The following KCNB2 variants were observed in gnomAD, a reference collection of about 807,000 sequenced individuals.
KCNB2 encodes delayed rectifier potassium channel protein.
KCNB2 carries 15 observed loss-of-function variants against 61.5 expected under a neutral mutation model. That is an observed-to-expected ratio of 0.24 (90% CI 0.16 to 0.38). KCNB2 has a LOEUF of 0.38. Among genes scored for constraint, KCNB2 ranks in the 10% least tolerant of loss-of-function variants. KCNB2 has a pLI of 1.00. For synonymous variants in KCNB2, 457 were observed against 446.0 expected (o/e 1.02, Z -0.31); for missense variants, 828 against 1,125.2 (o/e 0.74, Z 3.78).
At chr8:72,619,064 C>G (rs892768233) in intron 2 of KCNB2, 6 of 287,072 alleles carry the variant, frequency 2.1e-5, no homozygotes, top group Non-Finnish European at 2.7e-5. Context: ...ACAAATGAAA[C>G]TCTACTTTCT....
At chr8:72,933,218 T>C (rs969489232) in intron 2 of KCNB2, among the ~76,000 whole-genome samples, 2 of 152,240 alleles carry the variant, frequency 1.3e-5, no homozygotes, top group Non-Finnish European at 2.9e-5. Flanking sequence ...TAAGCTGTGG[T>C]CAACTAGACA....
At chr8:72,686,355 T>A (rs530966254) in intron 2 of KCNB2, among the ~76,000 whole-genome samples, 1 of 152,100 alleles carries the variant, frequency 6.6e-6, no homozygotes, top group Admixed American at 6.5e-5. Flanking sequence ...CTTTTTTGGA[T>A]ATTTTTTTTT....
chr8:72,863,204 A>G (rs750646811), intron 2 of KCNB2, among the ~76,000 whole-genome samples: 4 of 152,220 alleles, frequency 2.6e-5, no homozygotes, highest in Non-Finnish European at 4.4e-5. Flanking sequence ...ATTTGTTTCT[A>G]TGTAAACAGC....
At chr8:72,905,951 C>A (rs1806170129) in intron 2 of KCNB2, among the ~76,000 whole-genome samples, 1 of 152,070 alleles carries the variant, frequency 6.6e-6, no homozygotes, top group Non-Finnish European at 1.5e-5. Flanking sequence ...ATAGCAGGGA[C>A]AATTTCAAGC....
At chr8:72,539,062 T>C (rs1251874842) in intron 1 of KCNB2, among the ~76,000 whole-genome samples, 1 of 134,392 alleles carries the variant, frequency 7.4e-6, no homozygotes, top group Non-Finnish European at 1.7e-5. Context: ...TCTATTTCAC[T>C]CTTTAGGGGC....
intron 1 of KCNB2, among the ~76,000 whole-genome samples, chr8:72,539,066 T>C (rs1451497276): frequency 1.6e-5 from 2 of 123,448 alleles, no homozygotes; most frequent in Non-Finnish European, 3.9e-5. Context: ...TTTCACTCTT[T>C]AGGGGCATGT....
chr8:72,927,913 CCCTTTTCTGTGTAGAAACCTCCATGAAT>C (rs1806687185), intron 2 of KCNB2, among the ~76,000 whole-genome samples: 1 of 152,120 alleles, frequency 6.6e-6, no homozygotes, highest in African/African-American at 2.4e-5. Context: ...TGCCCTTTAT[CCCTTTTCTGTGTAGAAACCTCCATGAAT>C]CCTTTAAGGC....
chr8:72,863,982 T>C (rs1438292353), intron 2 of KCNB2, among the ~76,000 whole-genome samples: 1 of 152,162 alleles, frequency 6.6e-6, no homozygotes, highest in Non-Finnish European at 1.5e-5. Context: ...TCAGCCTGAG[T>C]GACAGAGAAA....
intron 2 of KCNB2, among the ~76,000 whole-genome samples, chr8:72,711,983 C>T (rs976323343): frequency 6.6e-6 from 1 of 152,222 alleles, no homozygotes; most frequent in South Asian, 2.1e-4. Context: ...CATAGCAAGA[C>T]TCCATCTCAA....
intron 2 of KCNB2, among the ~76,000 whole-genome samples, chr8:72,758,722 G>A (rs1808332548): frequency 6.6e-6 from 1 of 152,178 alleles, no homozygotes; most frequent in African/African-American, 2.4e-5. Flanking sequence ...TGAAGTTCTA[G>A]CGGTACTTTT....
chr8:72,598,095 T>C (rs182028903), intron 2 of KCNB2, among the ~76,000 whole-genome samples: 165 of 152,240 alleles, frequency 1.1e-3, no homozygotes, highest in African/African-American at 3.7e-3. Context: ...CCACCAATGG[T>C]AGACTGGATA....
intron 2 of KCNB2, among the ~76,000 whole-genome samples, chr8:72,773,269 T>C (rs1197388823): frequency 6.6e-6 from 1 of 152,212 alleles, no homozygotes; most frequent in Non-Finnish European, 1.5e-5. Flanking sequence ...CCAGCCTGCT[T>C]TGTATTGCCC....
At chr8:72,683,919 A>G (rs954266770) in intron 2 of KCNB2, among the ~76,000 whole-genome samples, 7 of 152,264 alleles carry the variant, frequency 4.6e-5, no homozygotes, top group African/African-American at 1.7e-4. Flanking sequence ...GAAGGCCTTT[A>G]TATGGCATAT....
chr8:72,928,279 A>G (rs570431505), intron 2 of KCNB2, among the ~76,000 whole-genome samples: 2 of 148,038 alleles, frequency 1.4e-5, no homozygotes, highest in African/African-American at 5.0e-5. Context: ...TGCAATCTCC[A>G]TCTCCTGGGT....
At chr8:72,620,350 A>C (rs944194677) in intron 2 of KCNB2, among the ~76,000 whole-genome samples, 6 of 152,234 alleles carry the variant, frequency 3.9e-5, no homozygotes, top group African/African-American at 1.2e-4. Context: ...GTTTTATAGC[A>C]CATGCTGATT....
At chr8:72,627,627 G>T (rs1805810342) in intron 2 of KCNB2, among the ~76,000 whole-genome samples, 1 of 152,202 alleles carries the variant, frequency 6.6e-6, no homozygotes, top group South Asian at 2.1e-4. Context: ...ACAGAGCTGT[G>T]TAGGAATGTG....
intron 2 of KCNB2, among the ~76,000 whole-genome samples, chr8:72,744,162 G>A (rs982299295): frequency 2.0e-5 from 3 of 152,256 alleles, no homozygotes; most frequent in African/African-American, 7.2e-5. Context: ...CCATAAAGCC[G>A]GGAATAAGAG....
At chr8:72,676,706 G>T (rs745603074) in intron 2 of KCNB2, among the ~76,000 whole-genome samples, 2 of 152,090 alleles carry the variant, frequency 1.3e-5, no homozygotes, top group Non-Finnish European at 2.9e-5. Context: ...CCAGTATTCA[G>T]CAGAGGTTTA....
intron 2 of KCNB2, among the ~76,000 whole-genome samples, chr8:72,889,427 C>T (rs1348604366): frequency 6.6e-6 from 1 of 152,136 alleles, no homozygotes; most frequent in African/African-American, 2.4e-5. Flanking sequence ...GTAGCTCATA[C>T]CTGTAATGCC....
Sources: allele counts gnomAD v4.1 joint callset (sites outside exome capture counted in the v4.1 genomes callset), GRCh38; gene constraint gnomAD v4.1.1; transcripts MANE v1.5; gene names NCBI Gene and HGNC (gene_info 2026-07-23, HGNC 2026-07-21).